The following TDRD1 variants were observed in gnomAD, a reference collection of about 807,000 sequenced individuals.
TDRD1 encodes the protein tudor domain-containing protein 1.
In TDRD1, 37 loss-of-function variants were observed where a neutral mutation model predicts 140.6. The ratio of observed to expected loss-of-function variants is 0.26; its 90% CI spans 0.20 to 0.35. The LOEUF (loss-of-function observed/expected upper bound fraction) is 0.35, where lower values mean the gene tolerates loss of function less well. Among genes scored for constraint, TDRD1 ranks in the 10% least tolerant of loss-of-function variants. The probability of loss-of-function intolerance (pLI) is 1.00; values close to 1 mark genes in which losing one functional copy is unlikely to be tolerated. For synonymous variants in TDRD1, 506 were observed against 475.7 expected, an observed-to-expected ratio of 1.06 and a Z score of -0.83; for missense variants, 1,243 against 1,393.0, an observed-to-expected ratio of 0.89 and a Z score of 1.71.
At chr10:114,222,764 A>G in intron 21 of TDRD1, 61 bp downstream of exon 21, 1 of 955,482 alleles carries the variant, frequency 1.0e-6, no homozygotes, top group Non-Finnish European at 1.6e-6. Flanking sequence ...GTTCTACATG[A>G]TACTATGTAG....
intron 9 of TDRD1, 143 bp from the exon 10 acceptor site, chr10:114,204,579 A>G (rs1170646418): frequency 2.4e-6 from 2 of 832,338 alleles, no homozygotes; most frequent in Middle Eastern, 3.6e-4. Context: ...AATAATAATT[A>G]TACAGAAAAT....
At chr10:114,218,297 G>T (rs1252581710) in intron 17 of TDRD1, 117 bp from the exon 18 acceptor site, 2 of 676,796 alleles carry the variant, frequency 3.0e-6, no homozygotes, top group African/African-American at 3.7e-5. Context: ...CGTGATTTGG[G>T]AAAGTAAGCA....
At chr10:114,213,651 G>C (rs1482964411) in intron 15 of TDRD1, 63 bp downstream of exon 15, 1 of 1,443,142 alleles carries the variant, frequency 6.9e-7, no homozygotes, top group East Asian at 2.3e-5. Context: ...TAAATAAATA[G>C]TTTCTTGTAC....
exon 12 of TDRD1, chr10:114,210,614 A>C: frequency 1.2e-6 from 2 of 1,600,158 alleles, no homozygotes; most frequent in Non-Finnish European, 1.7e-6. Context: ...ATGACAACTG[A>C]AAACAACATT....
intron 16 of TDRD1, among the ~76,000 whole-genome samples, chr10:114,215,607 A>G (rs1426527072): frequency 6.6e-6 from 1 of 152,136 alleles, no homozygotes; most frequent in African/African-American, 2.4e-5. Context: ...TCTTTGTCAA[A>G]TAAGGACATT....
chr10:114,192,471 AT>A (rs971754640), intron 3 of TDRD1, among the ~76,000 whole-genome samples: 2 of 150,490 alleles, frequency 1.3e-5, no homozygotes, highest in Non-Finnish European at 1.5e-5. Context: ...CGCCTGGCTA[AT>A]TTTTTTTGTA....
intron 2 of TDRD1, 78 bp from the exon 3 acceptor site, chr10:114,190,883 C>A: frequency 7.2e-7 from 1 of 1,398,480 alleles, no homozygotes; most frequent in Non-Finnish European, 1.0e-6. Context: ...TGAATATCAC[C>A]TAATTACACT....
upstream of TDRD1, among the ~76,000 whole-genome samples, chr10:114,178,856 A>C (rs2032791569): frequency 6.8e-6 from 1 of 147,756 alleles, no homozygotes; most frequent in Non-Finnish European, 1.5e-5. Context: ...ATTGTTAGAA[A>C]AGTTCCATAG....
At chr10:114,217,631 C>A (rs2035894786) in exon 17 of TDRD1, 1 of 1,602,946 alleles carries the variant, frequency 6.2e-7, no homozygotes, top group Middle Eastern at 1.7e-4. Flanking sequence ...AGAGATAGGA[C>A]AACCTTGTTG....
chr10:114,229,074 T>G (rs911517347), intron 25 of TDRD1, among the ~76,000 whole-genome samples: 1 of 138,294 alleles, frequency 7.2e-6, no homozygotes, highest in Non-Finnish European at 1.5e-5. Context: ...GAGTGAGAGT[T>G]TGTCTCAAAA....
chr10:114,175,697 A>C (rs946865052), upstream of TDRD1, among the ~76,000 whole-genome samples: 1 of 152,226 alleles, frequency 6.6e-6, no homozygotes, highest in African/African-American at 2.4e-5. Context: ...AGAAAAGCAA[A>C]GATAACATGA....
At chr10:114,217,941 ATTG>A (rs763217133) in intron 17 of TDRD1, among the ~76,000 whole-genome samples, 31 of 152,224 alleles carry the variant, frequency 2.0e-4, no homozygotes, top group Non-Finnish European at 3.4e-4. Flanking sequence ...CAGCAGGTTC[ATTG>A]TTTCTTCTGG....
chr10:114,191,309 G>A (rs966067448), intron 3 of TDRD1, among the ~76,000 whole-genome samples: 5 of 152,158 alleles, frequency 3.3e-5, no homozygotes, highest in Non-Finnish European at 7.3e-5. Context: ...TCAAGATACG[G>A]AACATTTCCA....
chr10:114,195,269 C>CT (rs1373827145), intron 3 of TDRD1, among the ~76,000 whole-genome samples: 2 of 152,070 alleles, frequency 1.3e-5, no homozygotes, highest in Non-Finnish European at 2.9e-5. Context: ...AGGATGTGGT[C>CT]TTAGTATACA....
At chr10:114,228,374 G>C in intron 25 of TDRD1, 1 of 1,225,950 alleles carries the variant, frequency 8.2e-7, no homozygotes, top group Non-Finnish European at 1.0e-6. Flanking sequence ...TTTCCTTACT[G>C]TTGTTTGGTT....
chr10:114,217,745 G>A, intron 17 of TDRD1, 90 bp downstream of exon 17: 2 of 669,294 alleles, frequency 3.0e-6, no homozygotes, highest in Admixed American at 3.2e-5. Flanking sequence ...TAATGCTTAA[G>A]CAAACATTTT....
Position 114,222,576 on chromosome 10 carries a change from A to C in TDRD1, c.2891-11A>C, listed in dbSNP as rs1344719974. ...ATTTTCTTCACAAAAGATTGCTTTT[A>C]TATATTTTAGAAAATCAGGAAAAGC... On this transcript the variant is annotated splice_polypyrimidine_tract_variant and intron_variant, in intron 20 of 25. Transcript: ENST00000251864. The C allele has an allele frequency of 6.4e-7, 1 of 1,555,092 alleles. No homozygotes were observed. Among genetic ancestry groups the C allele is most frequent in the Non-Finnish European group, 8.8e-7 (1 of 1,130,494 alleles).
At chr10:114,224,236 T>C (rs922991926) in intron 21 of TDRD1, among the ~76,000 whole-genome samples, 1 of 152,362 alleles carries the variant, frequency 6.6e-6, no homozygotes, top group Non-Finnish European at 1.5e-5. Context: ...ACTTAAAATT[T>C]TGAGGCACTG....
At chr10:114,194,443 G>A (rs1042053945) in intron 3 of TDRD1, among the ~76,000 whole-genome samples, 2 of 151,960 alleles carry the variant, frequency 1.3e-5, no homozygotes, top group African/African-American at 4.8e-5. Flanking sequence ...TGTTCATTTT[G>A]TCTACATTGT....
Sources: allele counts gnomAD v4.1 joint callset (sites outside exome capture counted in the v4.1 genomes callset), GRCh38; gene constraint gnomAD v4.1.1; transcripts MANE v1.5; gene names NCBI Gene and HGNC (gene_info 2026-07-23, HGNC 2026-07-21).